Variants in CSTPP1 observed in about 807,000 individuals in gnomAD.
CSTPP1 encodes the protein centriolar satellite-associated tubulin polyglutamylase complex regulator 1.
chr11:47,137,879 A>T, the CSTPP1 span: 1 of 702,234 alleles, frequency 1.4e-6, no homozygotes, highest in South Asian at 1.9e-5. Flanking sequence ...GCCCCAAAAC[A>T]TAATACATTC....
chr11:47,002,842 G>T, the CSTPP1 span, among the ~76,000 whole-genome samples: 1 of 152,184 alleles, frequency 6.6e-6, no homozygotes, highest in South Asian at 2.1e-4. Flanking sequence ...TAAATAACTT[G>T]ATTTATTTCA....
At chr11:47,066,457 G>A in the CSTPP1 span, among the ~76,000 whole-genome samples, 1 of 152,002 alleles carries the variant, frequency 6.6e-6, no homozygotes, top group African/African-American at 2.4e-5. Flanking sequence ...TGTGCTCCCC[G>A]AGATGGAATG....
chr11:46,986,179 A>T, the CSTPP1 span, among the ~76,000 whole-genome samples: 189 of 152,314 alleles, frequency 1.2e-3, no homozygotes, highest in African/African-American at 4.1e-3. Context: ...CTAAGTAACT[A>T]TCCAAGATTA....
chr11:47,031,780 A>G, the CSTPP1 span, among the ~76,000 whole-genome samples: 25 of 150,916 alleles, frequency 1.7e-4, no homozygotes, highest in African/African-American at 6.1e-4. Context: ...CTCTAGAGGG[A>G]TGGAACTAAT....
chr11:47,068,427 G>A, the CSTPP1 span, among the ~76,000 whole-genome samples: 1 of 152,098 alleles, frequency 6.6e-6, no homozygotes, highest in Admixed American at 6.5e-5. Context: ...AGCTACTCAG[G>A]AGGCTGAGGT....
chr11:47,022,011 C>A, the CSTPP1 span, among the ~76,000 whole-genome samples: 3 of 151,458 alleles, frequency 2.0e-5, no homozygotes, highest in African/African-American at 7.3e-5. Flanking sequence ...TCTGTTCTAC[C>A]TTGGTCTCTC....
chr11:46,965,825 T>C, the CSTPP1 span, among the ~76,000 whole-genome samples: 1 of 152,216 alleles, frequency 6.6e-6, no homozygotes, highest in African/African-American at 2.4e-5. Flanking sequence ...GTTAGTTGCA[T>C]TGTGAAATCT....
At chr11:47,036,034 GATATAT>G in the CSTPP1 span, among the ~76,000 whole-genome samples, 2,068 of 25,364 alleles carry the variant, frequency 0.082, 684 homozygotes, top group Non-Finnish European at 0.12. Context: ...GGAGTGAAAA[GATATAT>G]ATATATATAT....
At chr11:47,141,176 C>T in the CSTPP1 span, among the ~76,000 whole-genome samples, 1 of 152,158 alleles carries the variant, frequency 6.6e-6, no homozygotes, top group Non-Finnish European at 1.5e-5. Flanking sequence ...CAGAGTTGTG[C>T]ATCCATTACC....
At chr11:47,041,215 G>T in the CSTPP1 span, 1 of 222,228 alleles carries the variant, frequency 4.5e-6, no homozygotes, top group Non-Finnish European at 9.6e-6. Context: ...GGATTTTCAG[G>T]GTTGGGGAAG....
At chr11:47,161,876 C>G in the CSTPP1 span, 6,827 of 1,315,448 alleles carry the variant, frequency 5.2e-3, 24 homozygotes, top group Middle Eastern at 0.012. Flanking sequence ...AGGCCCCAAG[C>G]TGACAGACTG....
the CSTPP1 span, among the ~76,000 whole-genome samples, chr11:47,011,996 C>T: frequency 2.6e-5 from 4 of 151,894 alleles, no homozygotes; most frequent in Non-Finnish European, 4.4e-5. Context: ...AATCAGGAGC[C>T]GGACATGATG....
the CSTPP1 span, among the ~76,000 whole-genome samples, chr11:47,091,219 A>T: frequency 6.6e-6 from 1 of 150,982 alleles, no homozygotes; most frequent in Admixed American, 6.6e-5. Context: ...GTGAAACCCC[A>T]TCTCTACTAA....
chr11:47,003,703 C>T, the CSTPP1 span, among the ~76,000 whole-genome samples: 1 of 152,218 alleles, frequency 6.6e-6, no homozygotes, highest in South Asian at 2.1e-4. Flanking sequence ...GTGTACATTT[C>T]TTCTAGGTCA....
the CSTPP1 span, among the ~76,000 whole-genome samples, chr11:47,114,222 C>A: frequency 2.6e-5 from 4 of 152,210 alleles, no homozygotes; most frequent in Admixed American, 2.6e-4. Flanking sequence ...TGTTTTGGTA[C>A]CAGTACCAGG....
the CSTPP1 span, among the ~76,000 whole-genome samples, chr11:47,133,570 G>A: frequency 6.6e-6 from 1 of 152,232 alleles, no homozygotes; most frequent in Non-Finnish European, 1.5e-5. Context: ...CTGCTGTGCT[G>A]GAGCCTCAGT....
chr11:47,151,722 T>C, the CSTPP1 span, among the ~76,000 whole-genome samples: 2,148 of 151,852 alleles, frequency 0.014, 50 homozygotes, highest in African/African-American at 0.05. Context: ...GTCTTACTTC[T>C]TGCAGTTGAA....
the CSTPP1 span, among the ~76,000 whole-genome samples, chr11:47,012,883 G>A: frequency 6.6e-6 from 1 of 151,492 alleles, no homozygotes; most frequent in Non-Finnish European, 1.5e-5. Context: ...GTATCCTTGG[G>A]TCTAATGTTA....
the CSTPP1 span, among the ~76,000 whole-genome samples, chr11:47,070,166 A>C: frequency 6.6e-6 from 1 of 152,220 alleles, no homozygotes; most frequent in East Asian, 1.9e-4. Flanking sequence ...GGAGAACATA[A>C]GTGCACTATG....
Sources: gnomAD v4.1 joint callset for allele counts (sites outside exome capture counted in the v4.1 genomes callset) on GRCh38, gnomAD v4.1.1 for gene constraint, MANE v1.5 for transcripts, NCBI Gene and HGNC (gene_info 2026-07-23, HGNC 2026-07-21) for gene names.